TENM3: variants seen among roughly 807,000 people sequenced by gnomAD.
The protein encoded by TENM3 is teneurin transmembrane protein 3.
In TENM3, 63 loss-of-function variants were observed where a neutral mutation model predicts 255.1. That is an observed-to-expected ratio of 0.25 (90% CI 0.20 to 0.30). The LOEUF is 0.30. Ranked by LOEUF, TENM3 falls within the 10% of genes least tolerant of loss-of-function variation. The pLI is 1.00. For missense variants in TENM3, 2,929 were observed against 3,461.1 expected, an observed-to-expected ratio of 0.85 and a Z score of 3.86; for synonymous variants, 1,306 against 1,322.3, an observed-to-expected ratio of 0.99 and a Z score of 0.27.
At chr4:182,517,856 A>C (rs2057436933) in intron 3 of TENM3, among the ~76,000 whole-genome samples, 1 of 152,200 alleles carries the variant, frequency 6.6e-6, no homozygotes, top group African/African-American at 2.4e-5. Flanking sequence ...AAAAAGCTGT[A>C]ATTCTACTAA....
chr4:182,330,387 C>T (rs939313108), intron 2 of TENM3, among the ~76,000 whole-genome samples: 7 of 152,142 alleles, frequency 4.6e-5, no homozygotes, highest in Admixed American at 3.9e-4. Context: ...AAGGTCTGCT[C>T]GTTCAGATTC....
At chr4:182,182,672 T>A (rs1463704025) in intron 1 of TENM3, among the ~76,000 whole-genome samples, 1 of 152,182 alleles carries the variant, frequency 6.6e-6, no homozygotes, top group African/African-American at 2.4e-5. Flanking sequence ...GTTATCAGCT[T>A]AGTTCCACTG....
chr4:182,277,200 G>A (rs1267389528), intron 1 of TENM3, among the ~76,000 whole-genome samples: 2 of 152,214 alleles, frequency 1.3e-5, no homozygotes, highest in Admixed American at 6.5e-5. Flanking sequence ...GAATAAGATG[G>A]AGTTTGGTGG....
intron 3 of TENM3, among the ~76,000 whole-genome samples, chr4:182,373,970 A>C (rs1356696507): frequency 6.6e-6 from 1 of 152,168 alleles, no homozygotes; most frequent in Non-Finnish European, 1.5e-5. Context: ...AAACACAGCC[A>C]AGGCATTGTT....
chr4:182,019,793 T>G, the TENM3 span, among the ~76,000 whole-genome samples: 1 of 152,036 alleles, frequency 6.6e-6, no homozygotes, highest in Non-Finnish European at 1.5e-5. Flanking sequence ...GCCTCCCAAG[T>G]AGCTGGGACT....
At position 182,664,504 on chromosome 4, in the gene TENM3, C is replaced by T. The variant is rs559299194; in HGVS notation, c.1112-8501C>T. On this transcript the variant is annotated intron_variant, in intron 6 of 27. Coordinates refer to ENST00000511685, the MANE Select transcript of TENM3 (RefSeq NM_001080477.4). Reference sequence around the variant, plus strand: ...AACCCTACAGTGGCCTCTAAGTATTCAAGTGAAAGGAAGAATCACACGTCT... The same window carrying T: ...AACCCTACAGTGGCCTCTAAGTATTTAAGTGAAAGGAAGAATCACACGTCT... Among the ~76,000 whole-genome samples the T allele has an allele frequency of 2.8e-4, 42 of 152,220 alleles. No individual in the cohort carries two copies. The South Asian group carries it at 8.1e-3, about 29-fold the overall frequency.
intron 1 of TENM3, among the ~76,000 whole-genome samples, chr4:182,223,665 T>C (rs1755975276): frequency 1.3e-5 from 2 of 151,630 alleles, no homozygotes; most frequent in East Asian, 3.9e-4. Context: ...AGTGCCATGA[T>C]TAAATCTTCA....
intron 26 of TENM3, among the ~76,000 whole-genome samples, chr4:182,795,992 C>A (rs1025719212): frequency 1.3e-4 from 20 of 152,242 alleles, no homozygotes; most frequent in African/African-American, 4.8e-4. Context: ...TTTTAAAATA[C>A]CACCTTAAAG....
At chr4:182,663,052 A>G (rs1754359546) in intron 6 of TENM3, among the ~76,000 whole-genome samples, 1 of 152,330 alleles carries the variant, frequency 6.6e-6, no homozygotes, top group East Asian at 1.9e-4. Flanking sequence ...TGATGTCCTT[A>G]TATCTCTACA....
In TENM3 at chr4:182,740,654, T is replaced by C. The variant is rs148404619; in HGVS notation, c.3379+2110T>C. ...AATAGGAAAACTACAGGCATCTCTGTAGCTCCGAAAAAGCCCATGCCTCTG... is the reference window on the plus strand; with the variant it reads ...AATAGGAAAACTACAGGCATCTCTGCAGCTCCGAAAAAGCCCATGCCTCTG... On this transcript the variant is annotated intron_variant, in intron 18 of 27. Coordinates refer to ENST00000511685, the MANE Select transcript of TENM3 (RefSeq NM_001080477.4). Among the ~76,000 whole-genome samples the C allele has an allele frequency of 3.5e-3, 540 of 152,286 alleles. 6 individuals carry two copies. Among genetic ancestry groups the C allele is most frequent in the African/African-American group, 0.013 (522 of 41,566 alleles).
the TENM3 span, among the ~76,000 whole-genome samples, chr4:181,577,147 TAATA>T: frequency 7.4e-6 from 1 of 135,608 alleles, no homozygotes; most frequent in Non-Finnish European, 1.5e-5. Flanking sequence ...AATATATAAT[TAATA>T]TATATATAAA....
the TENM3 span, among the ~76,000 whole-genome samples, chr4:181,623,437 A>G: frequency 2.0e-4 from 31 of 152,344 alleles, no homozygotes; most frequent in African/African-American, 7.2e-4. Flanking sequence ...GAAAATGCTG[A>G]AGTACTAAGG....
the TENM3 span, among the ~76,000 whole-genome samples, chr4:181,944,755 C>T: frequency 2.6e-5 from 4 of 152,022 alleles, no homozygotes; most frequent in African/African-American, 9.7e-5. Context: ...TTGCCGCCAA[C>T]GGGCCACCCT....
chr4:182,464,485 G>A (rs1190813007), intron 3 of TENM3, among the ~76,000 whole-genome samples: 1 of 152,074 alleles, frequency 6.6e-6, no homozygotes, highest in African/African-American at 2.4e-5. Context: ...TCCAACTCCT[G>A]ACCTCAGGTG....
intron 3 of TENM3, among the ~76,000 whole-genome samples, chr4:182,405,731 T>C (rs184648379): frequency 4.3e-4 from 65 of 152,268 alleles, no homozygotes; most frequent in African/African-American, 1.5e-3. Flanking sequence ...ATGAGAGAGT[T>C]GCGCTAGGCA....
At position 182,324,245 on chromosome 4, in the gene TENM3, T is replaced by C; in HGVS notation, c.225T>C (p.Thr75=). ...TTCACAGAGAAGCAGACGAGTTCAC[T>C]AGACAAGGTGGGTAACTGTCCTAGT... ...DLVHREADEF[T]RQGQNFTLRQ... is the part of the protein sequence containing the mutation. The change falls in exon 2 of 28, where the codon ACT becomes ACC. Residue 75 remains threonine (T), a synonymous_variant. Transcript: ENST00000511685. The C allele has an allele frequency of 6.2e-7, 1 of 1,611,366 alleles. No individual in the cohort carries two copies. Among genetic ancestry groups the C allele is most frequent in the Non-Finnish European group, 8.5e-7 (1 of 1,177,452 alleles).
chr4:181,647,431 T>C, the TENM3 span, among the ~76,000 whole-genome samples: 74 of 152,300 alleles, frequency 4.9e-4, no homozygotes, highest in South Asian at 2.5e-3. Flanking sequence ...ATCTGCAATA[T>C]GTAGAGTAAT....
the TENM3 span, among the ~76,000 whole-genome samples, chr4:181,713,041 C>T: frequency 9.9e-5 from 15 of 152,208 alleles, no homozygotes; most frequent in Admixed American, 6.5e-4. Context: ...AAATTATTTA[C>T]TCATTGTATT....
intron 5 of TENM3, among the ~76,000 whole-genome samples, chr4:182,651,539 T>A (rs75301840): frequency 2.0e-5 from 3 of 151,226 alleles, no homozygotes; most frequent in African/African-American, 7.3e-5. Flanking sequence ...AAAAAAAAAA[T>A]ACAAAAAATT....
Sources: gnomAD v4.1 joint callset for allele counts (sites outside exome capture counted in the v4.1 genomes callset) on GRCh38, gnomAD v4.1.1 for gene constraint, MANE v1.5 for transcripts, NCBI Gene and HGNC (gene_info 2026-07-23, HGNC 2026-07-21) for gene names.